The following FAM50B variants were observed in gnomAD, a reference collection of about 807,000 sequenced individuals.
FAM50B encodes family with sequence similarity 50 member B, also known as protein FAM50B.
FAM50B carries 9 observed loss-of-function variants against 25.4 expected under a neutral mutation model. The observed-to-expected ratio is 0.35, with a 90% CI of 0.21 to 0.62. The LOEUF (loss-of-function observed/expected upper bound fraction) is 0.62. FAM50B is among the 20% of genes least tolerant of loss of function. The probability of loss-of-function intolerance (pLI) is 0.73; values close to 1 mark genes in which losing one functional copy is unlikely to be tolerated. For missense variants in FAM50B, 372 were observed against 477.9 expected, an observed-to-expected ratio of 0.78 and a Z score of 2.07; for synonymous variants, 212 against 204.3, an observed-to-expected ratio of 1.04 and a Z score of -0.32.
chr6:3,835,288 A>G, the FAM50B span, among the ~76,000 whole-genome samples: 3 of 152,252 alleles, frequency 2.0e-5, no homozygotes, highest in Non-Finnish European at 4.4e-5. Flanking sequence ...TCACTGTCCT[A>G]GAGTTGGCTC....
the FAM50B span, among the ~76,000 whole-genome samples, chr6:3,841,794 G>C: frequency 6.6e-6 from 1 of 152,194 alleles, no homozygotes; most frequent in Non-Finnish European, 1.5e-5. Flanking sequence ...TTGCCTCAGG[G>C]TGGCCTCCCT....
chr6:3,843,967 AT>A, the FAM50B span, among the ~76,000 whole-genome samples: 2 of 152,174 alleles, frequency 1.3e-5, no homozygotes, highest in Non-Finnish European at 2.9e-5. Context: ...CAGGCCCACC[AT>A]CAGCTGTTTC....
At chr6:3,843,133 G>A in the FAM50B span, among the ~76,000 whole-genome samples, 7 of 152,254 alleles carry the variant, frequency 4.6e-5, no homozygotes, top group Admixed American at 4.6e-4. Context: ...TTCTTCAAAT[G>A]ACCTGGCCAG....
the FAM50B span, among the ~76,000 whole-genome samples, chr6:3,834,382 GAAAA>G: frequency 8.5e-6 from 1 of 117,602 alleles, no homozygotes; most frequent in African/African-American, 3.3e-5. Context: ...AAAAAAGGAA[GAAAA>G]GAAAAGAAAA....
rs1762214497 is a variant in FAM50B at position 3,851,000 on chromosome 6, A to G, written c.*211A>G. ...TGAGTATTTTAGTGTTGCCACCTGG[A>G]TTTGCTGCATTGCTCTGCTGAGCTG... On this transcript the variant is annotated 3_prime_UTR_variant, in exon 2 of 2. Transcript: ENST00000648326. The G allele has an allele frequency of 4.2e-6, 3 of 716,528 alleles. No homozygotes were observed. The highest frequency in any genetic ancestry group is 2.9e-5 in the East Asian group (1 of 34,554). 44.4% of individuals were successfully genotyped at this position (716,528 alleles called of 1,614,324 possible). A position where few individuals can be genotyped will look rare whatever the true frequency, so the allele number is the denominator to read the frequency against.
At chr6:3,838,395 C>T in the FAM50B span, among the ~76,000 whole-genome samples, 284 of 152,214 alleles carry the variant, frequency 1.9e-3, no homozygotes, top group Middle Eastern at 6.8e-3. Context: ...TCCATACAAT[C>T]GGGCGCTACT....
chr6:3,844,881 C>T (rs974123822), upstream of FAM50B, among the ~76,000 whole-genome samples: 1 of 152,086 alleles, frequency 6.6e-6, no homozygotes, highest in East Asian at 1.9e-4. Context: ...GTTGAGTGAA[C>T]TTTTTATTTA....
At chr6:3,840,467 CCTT>C in the FAM50B span, among the ~76,000 whole-genome samples, 1 of 88,186 alleles carries the variant, frequency 1.1e-5, no homozygotes, top group African/African-American at 5.9e-5. Context: ...GAGCAAATCT[CCTT>C]CTCAAAAAAA....
rs755352309 is a variant in FAM50B, at chr6:3,850,177, T to G, written c.366T>G (p.Phe122Leu). The G allele has an allele frequency of 6.2e-7, 1 of 1,613,406 alleles. No individual in the cohort carries two copies. Among genetic ancestry groups the G allele is most frequent in the South Asian group, 1.1e-5 (1 of 91,072 alleles). The change falls in exon 2 of 2, where the codon TTT becomes TTG. Residue 122 changes from phenylalanine to leucine, a missense_variant. Phe to Leu is a conservative substitution (Grantham distance 22, BLOSUM62 0). Coordinates refer to ENST00000648326, the MANE Select transcript of FAM50B (RefSeq NM_012135.3). ...ERKRKISCLS[F>L]ALDDLDDQAD... ...AGCGTAAGATCTCCTGCCTGTCCTT[T>G]GCACTAGACGACCTCGATGACCAGG...
At chr6:3,848,939 T>G (rs1237567329), upstream of FAM50B, among the ~76,000 whole-genome samples, 1 of 152,136 alleles carries the variant, frequency 6.6e-6, no homozygotes, top group African/African-American at 2.4e-5. Context: ...GCAGGTAATG[T>G]TCACGAGACG....
At chr6:3,843,326 T>G in the FAM50B span, among the ~76,000 whole-genome samples, 1 of 152,130 alleles carries the variant, frequency 6.6e-6, no homozygotes, top group African/African-American at 2.4e-5. Flanking sequence ...AAGAGAAAAA[T>G]AGACAGGAAA....
the FAM50B span, among the ~76,000 whole-genome samples, chr6:3,835,104 T>G: frequency 6.6e-6 from 1 of 152,214 alleles, no homozygotes; most frequent in Non-Finnish European, 1.5e-5. Context: ...GCCCTGGGTT[T>G]CTGCATGTCA....
the FAM50B span, among the ~76,000 whole-genome samples, chr6:3,833,106 C>T: frequency 6.6e-6 from 1 of 152,154 alleles, no homozygotes; most frequent in Non-Finnish European, 1.5e-5. Flanking sequence ...GTGATTCACC[C>T]ACCTCAGCCT....
At position 3,850,847 on chromosome 6, in the gene FAM50B, A is replaced by G. The variant is rs754171595; in HGVS notation, c.*58A>G. 244 of 1,568,520 alleles carry G rather than the reference A, an allele frequency of 1.6e-4. No homozygotes were observed. Among genetic ancestry groups the G allele is most frequent in the African/African-American group, 3.1e-4 (23 of 73,128 alleles). On this transcript the variant is annotated 3_prime_UTR_variant, in exon 2 of 2. Transcript: ENST00000648326. ...GGGGAGACACTCATTTCTAGGCCCC[A>G]TCACCAGTCACTTGATTTCGTGACC...
At chr6:3,843,462 G>GA in the FAM50B span, among the ~76,000 whole-genome samples, 1 of 152,030 alleles carries the variant, frequency 6.6e-6, no homozygotes, top group African/African-American at 2.4e-5. Flanking sequence ...ACAAATGAAA[G>GA]AAAAAAATGA....
chr6:3,832,411 C>T, the FAM50B span, among the ~76,000 whole-genome samples: 1 of 152,220 alleles, frequency 6.6e-6, no homozygotes, highest in Non-Finnish European at 1.5e-5. Flanking sequence ...AAATGTTCTC[C>T]TCCCTGCTCC....
chr6:3,851,079 A>AT lies in FAM50B; in HGVS notation c.*296dup. ...AGACAGAAATTAGAATAGGAGGCAC[A>AT]TTTTTTACCTGGTGGTTATGAGCAT... On this transcript the variant is annotated 3_prime_UTR_variant, in exon 2 of 2. Coordinates refer to ENST00000648326, the MANE Select transcript of FAM50B (RefSeq NM_012135.3). The AT allele has an allele frequency of 2.5e-6, 1 of 407,486 alleles. No homozygotes were observed. The highest frequency in any genetic ancestry group is 4.6e-6 in the Non-Finnish European group (1 of 217,010). The allele number at this position is 407,486 out of a possible 1,614,324, so 25.2% of individuals were successfully genotyped here. A position where few individuals can be genotyped will look rare whatever the true frequency, so the allele number is the denominator to read the frequency against.
At chr6:3,834,140 A>G in the FAM50B span, among the ~76,000 whole-genome samples, 41,090 of 151,902 alleles carry the variant, frequency 0.27, 6,180 homozygotes, top group Non-Finnish European at 0.34. Flanking sequence ...CTAGATCTCA[A>G]CAAGAATAAC....
rs770528020 is a variant in FAM50B, at chr6:3,850,384, C to T, written c.573C>T (p.Tyr191=). The change falls in exon 2 of 2, where the codon TAC becomes TAT. Residue 191 remains tyrosine, a synonymous_variant. Transcript: ENST00000648326. ...AGGAGATGGAGGTCACCTTCAGCTA[C>T]TGGGACGGCTCGGGCCACCGGCGCA... ...KDEEMEVTFS[Y]WDGSGHRRTV... is the part of the protein sequence containing the mutation. The T allele has an allele frequency of 2.7e-5, 43 of 1,613,414 alleles. 1 individual carries two copies. In the South Asian group the frequency reaches 3.7e-4, roughly 14 times the overall value.
Sources: gnomAD v4.1 joint callset for allele counts (sites outside exome capture counted in the v4.1 genomes callset) on GRCh38, gnomAD v4.1.1 for gene constraint, MANE v1.5 for transcripts, NCBI Gene and HGNC (gene_info 2026-07-23, HGNC 2026-07-21) for gene names.